Variants in SCAI observed in about 807,000 individuals in gnomAD.
SCAI encodes suppressor of cancer cell invasion.
SCAI carries 24 observed loss-of-function variants against 92.2 expected under a neutral mutation model. The observed-to-expected ratio is 0.26, with a 90% CI of 0.19 to 0.37. The LOEUF (loss-of-function observed/expected upper bound fraction) is 0.37, where lower values mean the gene tolerates loss of function less well. Ranked by LOEUF, SCAI falls within the 10% of genes least tolerant of loss-of-function variation. The pLI, the probability that SCAI is intolerant of heterozygous loss-of-function variation, is 1.00. For missense variants in SCAI, 450 were observed against 736.2 expected, an observed-to-expected ratio of 0.61 and a Z score of 4.50; for synonymous variants, 261 against 258.6, an observed-to-expected ratio of 1.01 and a Z score of -0.09.
At chr9:125,001,099 A>AT (rs1832351296) in intron 12 of SCAI, among the ~76,000 whole-genome samples, 1 of 152,242 alleles carries the variant, frequency 6.6e-6, no homozygotes, top group African/African-American at 2.4e-5. Flanking sequence ...GTAGTTTAAG[A>AT]TTTTACATTA....
intron 2 of SCAI, among the ~76,000 whole-genome samples, chr9:125,132,261 G>A (rs550992167): frequency 1.8e-4 from 28 of 151,962 alleles, no homozygotes; most frequent in African/African-American, 6.8e-4. Context: ...TTACAGGCAC[G>A]TACCACCACG....
intron 2 of SCAI, among the ~76,000 whole-genome samples, chr9:125,097,814 C>T (rs973168650): frequency 7.3e-5 from 11 of 151,532 alleles, no homozygotes; most frequent in African/African-American, 1.7e-4. Flanking sequence ...ACAGATATTT[C>T]GTGAACCTTC....
At position 124,950,279 on chromosome 9, in the gene SCAI, G is replaced by A. The variant is rs1831213432; in HGVS notation, c.*2528C>T. The A allele has an allele frequency of 6.6e-6, 1 of 151,966 alleles. No homozygotes were observed. Among genetic ancestry groups the A allele is most frequent in the Non-Finnish European group, 1.5e-5 (1 of 67,998 alleles). 9.4% of individuals were successfully genotyped at this position (151,966 alleles called of 1,614,324 possible). A position where few individuals can be genotyped will look rare whatever the true frequency, so the allele number is the denominator to read the frequency against. ...GAGTCCAAATTACAGAATCAGAGTT[G>A]GAGAAGACCTGGGCCAACCTCTTCA... On this transcript the variant is annotated 3_prime_UTR_variant, in exon 18 of 18. Transcript: ENST00000336505.
intron 2 of SCAI, among the ~76,000 whole-genome samples, chr9:125,082,822 G>T (rs1452092712): frequency 6.6e-6 from 1 of 152,218 alleles, no homozygotes; most frequent in East Asian, 1.9e-4. Context: ...TCCAATGCTT[G>T]TACCCCCACT....
At chr9:124,989,305 C>T (rs1258910248) in intron 14 of SCAI, among the ~76,000 whole-genome samples, 1 of 152,050 alleles carries the variant, frequency 6.6e-6, no homozygotes, top group South Asian at 2.1e-4. Flanking sequence ...TTGGGCTCGG[C>T]GCCGTGGCTC....
At chr9:125,050,333 A>G (rs1833536063) in intron 3 of SCAI, among the ~76,000 whole-genome samples, 1 of 152,190 alleles carries the variant, frequency 6.6e-6, no homozygotes, top group Non-Finnish European at 1.5e-5. Context: ...TCCAAAATAA[A>G]TCTTGTCCCT....
intron 2 of SCAI, among the ~76,000 whole-genome samples, chr9:125,114,119 G>T (rs1046254756): frequency 6.6e-6 from 1 of 152,156 alleles, no homozygotes; most frequent in Non-Finnish European, 1.5e-5. Flanking sequence ...AAATTTTCAA[G>T]GTAAATACGG....
chr9:125,056,271 GC>G (rs1453487080), intron 2 of SCAI, among the ~76,000 whole-genome samples: 1 of 152,116 alleles, frequency 6.6e-6, no homozygotes, highest in Non-Finnish European at 1.5e-5. Flanking sequence ...TTCAAGACCA[GC>G]CTGGCCAACA....
At chr9:125,066,877 T>C (rs970823298) in intron 2 of SCAI, among the ~76,000 whole-genome samples, 24 of 152,242 alleles carry the variant, frequency 1.6e-4, no homozygotes, top group African/African-American at 5.5e-4. Context: ...CATTGTATAA[T>C]TGCTAACAGT....
At chr9:125,074,255 T>C (rs577174926) in intron 2 of SCAI, among the ~76,000 whole-genome samples, 1 of 106,930 alleles carries the variant, frequency 9.4e-6, no homozygotes, top group South Asian at 3.6e-4. Flanking sequence ...CGAGACTCCA[T>C]ATCAAAAAAA....
chr9:125,048,972 T>C (rs1332084599), intron 3 of SCAI, among the ~76,000 whole-genome samples: 1 of 152,000 alleles, frequency 6.6e-6, no homozygotes, highest in Non-Finnish European at 1.5e-5. Context: ...CTCAAACTCC[T>C]GACCTCAGGT....
intron 2 of SCAI, among the ~76,000 whole-genome samples, chr9:125,080,218 G>A (rs1438731755): frequency 6.6e-6 from 1 of 152,020 alleles, no homozygotes; most frequent in Non-Finnish European, 1.5e-5. Flanking sequence ...GGTAGGCACT[G>A]TCACCAGAAT....
intron 2 of SCAI, among the ~76,000 whole-genome samples, chr9:125,117,665 C>CAAAAAA (rs372964615): frequency 3.3e-4 from 15 of 45,224 alleles, no homozygotes; most frequent in East Asian, 7.7e-4. Flanking sequence ...GACTCCATCT[C>CAAAAAA]AAAAAAAAAA....
chr9:125,002,366 C>G (rs1184865539), intron 11 of SCAI, among the ~76,000 whole-genome samples: 3 of 152,056 alleles, frequency 2.0e-5, no homozygotes, highest in Non-Finnish European at 4.4e-5. Context: ...CTGTGGCTTT[C>G]TCTACATAGA....
intron 13 of SCAI, among the ~76,000 whole-genome samples, chr9:124,996,988 A>G (rs1352489599): frequency 6.6e-6 from 1 of 152,122 alleles, no homozygotes. Flanking sequence ...TTATCTTACA[A>G]CTGAGAGGCT....
chr9:125,098,758 T>C (rs376866888), intron 2 of SCAI, among the ~76,000 whole-genome samples: 1 of 152,214 alleles, frequency 6.6e-6, no homozygotes, highest in Non-Finnish European at 1.5e-5. Context: ...AATCTAGTTA[T>C]TAAACTTTCA....
At chr9:124,964,056 T>C (rs1291797628) in intron 17 of SCAI, among the ~76,000 whole-genome samples, 1 of 152,216 alleles carries the variant, frequency 6.6e-6, no homozygotes, top group African/African-American at 2.4e-5. Flanking sequence ...AAAATGTTTC[T>C]ATATGGCACC....
At chr9:125,060,521 C>G (rs148032375) in intron 2 of SCAI, among the ~76,000 whole-genome samples, 144 of 152,104 alleles carry the variant, frequency 9.5e-4, no homozygotes, top group Middle Eastern at 3.4e-3. Flanking sequence ...ATGGTTTGGC[C>G]CACCCAAATC....
chr9:125,122,898 C>A (rs375799706), intron 2 of SCAI, among the ~76,000 whole-genome samples: 1 of 152,122 alleles, frequency 6.6e-6, no homozygotes, highest in Non-Finnish European at 1.5e-5. Flanking sequence ...TGGAGTGAGA[C>A]CCTGTCTCAA....
Sources: gnomAD v4.1 joint callset for allele counts (sites outside exome capture counted in the v4.1 genomes callset) on GRCh38, gnomAD v4.1.1 for gene constraint, MANE v1.5 for transcripts, NCBI Gene and HGNC (gene_info 2026-07-23, HGNC 2026-07-21) for gene names.